Variants in PCDH15 observed in about 807,000 individuals in gnomAD.
PCDH15 encodes the protein protocadherin related 15.
Under a neutral mutation model 178.5 loss-of-function variants are expected in PCDH15, and 129 were observed. The observed-to-expected ratio is 0.72, with a 90% confidence interval of 0.63 to 0.84. PCDH15 has a LOEUF of 0.84. Ranked by LOEUF, PCDH15 falls within the 40% of genes least tolerant of loss-of-function variation. PCDH15 has a pLI of 0.00. For missense variants in PCDH15, 2,230 were observed against 2,099.9 expected (o/e 1.06, Z -1.21); for synonymous variants, 800 against 732.0 (o/e 1.09, Z -1.50).
At chr10:53,878,712 T>C (rs1414227704) in intron 26 of PCDH15, among the ~76,000 whole-genome samples, 1 of 151,980 alleles carries the variant, frequency 6.6e-6, no homozygotes, top group Non-Finnish European at 1.5e-5. Context: ...TGTGTGTCCA[T>C]TATACGTCAA....
rs2076208540 is a variant in PCDH15 at position 53,820,230 on chromosome 10, A to G, written c.4368T>C (p.Ile1456=). The G allele has an allele frequency of 2.5e-6, 1 of 397,706 alleles. No individual in the cohort carries two copies. Among genetic ancestry groups the G allele is most frequent in the African/African-American group, 2.1e-5 (1 of 48,606 alleles). The allele number at this position is 397,706 out of a possible 1,614,324, so 24.6% of individuals were successfully genotyped here. Residue 1456 remains isoleucine (I), a splice_region_variant and synonymous_variant, in exon 33 of 38, where the codon ATT becomes ATC. Transcript: ENST00000644397. ...TGACCAGCTGCCAACAAAAACTCCA[A>G]CTGAAGTTTTTCAGTGAAAGAAAGA... ...HLYEELGDSS[I]WSFCWQLVIC...
chr10:53,847,146 G>A (rs2078028173), intron 28 of PCDH15, among the ~76,000 whole-genome samples: 3 of 151,894 alleles, frequency 2.0e-5, no homozygotes, highest in Admixed American at 2.0e-4. Flanking sequence ...TCTGTGATAG[G>A]TTAAGGAGAC....
At chr10:54,742,637 A>G (rs1365420538) in intron 1 of PCDH15, among the ~76,000 whole-genome samples, 1 of 151,984 alleles carries the variant, frequency 6.6e-6, no homozygotes, top group African/African-American at 2.4e-5. Context: ...TAAGGCTATA[A>G]GGATTGTGGA....
chr10:54,707,520 CTAAA>C (rs1229634447), intron 1 of PCDH15, among the ~76,000 whole-genome samples: 8 of 151,970 alleles, frequency 5.3e-5, no homozygotes, highest in African/African-American at 9.7e-5. Flanking sequence ...CAAATGGAGA[CTAAA>C]TAAATACACA....
chr10:54,643,767 ATTTTC>A (rs2094051182), intron 2 of PCDH15, among the ~76,000 whole-genome samples: 1 of 117,446 alleles, frequency 8.5e-6, no homozygotes, highest in Admixed American at 8.1e-5. Context: ...GGTTTCAGTT[ATTTTC>A]TTTTTTTTTT....
At position 53,959,065 on chromosome 10, in the gene PCDH15, G is replaced by A. The variant is rs572966764; in HGVS notation, c.3122+667C>T. Among the ~76,000 whole-genome samples the A allele has an allele frequency of 8.8e-5, 13 of 147,590 alleles. No individual in the cohort carries two copies. The East Asian group carries it at 2.6e-3, about 29-fold the overall frequency. ...ATGGTATTTTGTTATGGCTGCCTCA[G>A]TTGACTAAAACAGTATATATACTAA... On this transcript the variant is annotated intron_variant, in intron 23 of 37. Coordinates refer to ENST00000644397, the MANE Select transcript of PCDH15 (RefSeq NM_001384140.1).
intron 2 of PCDH15, among the ~76,000 whole-genome samples, chr10:54,562,493 A>G (rs1466848308): frequency 6.6e-6 from 1 of 152,192 alleles, no homozygotes; most frequent in African/African-American, 2.4e-5. Flanking sequence ...AAGGTCTCTC[A>G]TGGCATACAA....
intron 1 of PCDH15, chr10:55,247,759 A>T (rs555017217): frequency 9.9e-5 from 15 of 151,976 alleles, no homozygotes; most frequent in African/African-American, 3.6e-4. Flanking sequence ...TTTACAAAAC[A>T]TATACAAATT....
intron 29 of PCDH15, among the ~76,000 whole-genome samples, chr10:53,836,026 G>C (rs1316309293): frequency 2.0e-5 from 3 of 152,148 alleles, no homozygotes; most frequent in Non-Finnish European, 4.4e-5. Flanking sequence ...GTATTAGAGG[G>C]AGGAGGAGGA....
At chr10:54,928,641 T>C (rs558111731) in intron 2 of PCDH15, among the ~76,000 whole-genome samples, 97 of 152,286 alleles carry the variant, frequency 6.4e-4, no homozygotes, top group African/African-American at 2.2e-3. Context: ...TTCCTTTTCA[T>C]TACTTTTTCT....
intron 13 of PCDH15, among the ~76,000 whole-genome samples, chr10:54,182,995 T>G (rs1377694324): frequency 3.3e-5 from 5 of 151,560 alleles, no homozygotes; most frequent in East Asian, 1.9e-4. Context: ...TTTTGTTTTT[T>G]TTTGAGATGG....
chr10:53,825,006 CCTTTT>C (rs1298685255), intron 32 of PCDH15: 19 of 1,183,958 alleles, frequency 1.6e-5, no homozygotes, highest in Non-Finnish European at 2.0e-5. Flanking sequence ...ACAAAACTTT[CCTTTT>C]AACAGTAAGT....
chr10:55,622,030 G>T (rs1837403541), intron 2 of PCDH15, among the ~76,000 whole-genome samples: 1 of 135,104 alleles, frequency 7.4e-6, no homozygotes, highest in South Asian at 2.2e-4. Flanking sequence ...ATTTATATAT[G>T]TATATATAAT....
intron 3 of PCDH15, among the ~76,000 whole-genome samples, chr10:54,839,803 G>T (rs1214727372): frequency 6.6e-6 from 1 of 151,930 alleles, no homozygotes; most frequent in African/African-American, 2.4e-5. Context: ...ACAGCATAAG[G>T]TTATCAGCGT....
At chr10:54,428,698 A>G (rs1956594096) in intron 3 of PCDH15, among the ~76,000 whole-genome samples, 1 of 152,240 alleles carries the variant, frequency 6.6e-6, no homozygotes, top group South Asian at 2.1e-4. Context: ...CAAGAGAACA[A>G]ACAAGCAAAC....
At chr10:53,895,099 A>T (rs977212377) in intron 26 of PCDH15, among the ~76,000 whole-genome samples, 1 of 152,178 alleles carries the variant, frequency 6.6e-6, no homozygotes, top group Non-Finnish European at 1.5e-5. Flanking sequence ...TGTGCTGGAG[A>T]TGTTTTACCT....
chr10:53,967,085 C>T (rs997961701), intron 21 of PCDH15, among the ~76,000 whole-genome samples: 13 of 152,070 alleles, frequency 8.5e-5, no homozygotes, highest in South Asian at 2.1e-4. Context: ...ATAATCCCCA[C>T]ATGCTGTTGG....
chr10:54,538,379 T>C (rs1007721864), intron 2 of PCDH15, among the ~76,000 whole-genome samples: 4 of 152,200 alleles, frequency 2.6e-5, no homozygotes, highest in African/African-American at 7.2e-5. Context: ...ACTTTCCCCA[T>C]TCCTTATTTT....
intron 2 of PCDH15, among the ~76,000 whole-genome samples, chr10:55,397,452 C>T (rs1416419410): frequency 6.6e-6 from 1 of 152,156 alleles, no homozygotes; most frequent in Non-Finnish European, 1.5e-5. Flanking sequence ...TCTTTATCAT[C>T]ATACTGTTTT....
Sources: gnomAD v4.1 joint callset for allele counts (sites outside exome capture counted in the v4.1 genomes callset) on GRCh38, gnomAD v4.1.1 for gene constraint, MANE v1.5 for transcripts, NCBI Gene and HGNC (gene_info 2026-07-23, HGNC 2026-07-21) for gene names.